WNK1: variants seen among roughly 807,000 people sequenced by gnomAD.
WNK1 encodes WNK lysine deficient protein kinase 1, also known as serine/threonine-protein kinase WNK1.
WNK1 carries 38 observed loss-of-function variants against 222.8 expected under a neutral mutation model. The ratio of observed to expected loss-of-function variants is 0.17; its 90% CI spans 0.13 to 0.22. The LOEUF (loss-of-function observed/expected upper bound fraction) is 0.22, where lower values mean the gene tolerates loss of function less well. WNK1 is among the 10% of genes least tolerant of loss of function. The pLI is 1.00. For missense variants in WNK1, 2,348 were observed against 2,918.4 expected, an observed-to-expected ratio of 0.80 and a Z score of 4.50; for synonymous variants, 1,090 against 1,092.9, an observed-to-expected ratio of 1.00 and a Z score of 0.05.
intron 1 of WNK1, among the ~76,000 whole-genome samples, chr12:760,897 C>T (rs1349103310): frequency 2.1e-5 from 3 of 146,016 alleles, no homozygotes; most frequent in African/African-American, 7.3e-5. Flanking sequence ...CCTCAGCCTC[C>T]AGAGTAGCTG....
intron 1 of WNK1, among the ~76,000 whole-genome samples, chr12:807,854 G>A (rs563625421): frequency 6.6e-6 from 1 of 151,564 alleles, no homozygotes; most frequent in African/African-American, 2.4e-5. Context: ...CGAGTAGCTG[G>A]GACTACAGGC....
intron 1 of WNK1, among the ~76,000 whole-genome samples, chr12:781,505 G>A (rs1166735087): frequency 6.6e-6 from 1 of 152,174 alleles, no homozygotes. Context: ...AGGTACAAAT[G>A]ATTATGATTT....
At chr12:847,862 A>G (rs781539226) in intron 4 of WNK1, among the ~76,000 whole-genome samples, 2 of 128,154 alleles carry the variant, frequency 1.6e-5, no homozygotes, top group African/African-American at 6.0e-5. Flanking sequence ...GCTGGAGTGC[A>G]GTGGCATGAT....
intron 1 of WNK1, among the ~76,000 whole-genome samples, chr12:805,878 T>C (rs531667714): frequency 6.6e-6 from 1 of 152,158 alleles, no homozygotes; most frequent in Non-Finnish European, 1.5e-5. Flanking sequence ...TTTTAATTAA[T>C]TGTCTAAGTT....
chr12:795,388 T>C (rs1393995776), intron 1 of WNK1, among the ~76,000 whole-genome samples: 1 of 151,756 alleles, frequency 6.6e-6, no homozygotes, highest in Non-Finnish European at 1.5e-5. Context: ...ATAATCTTCA[T>C]GTGTCAGTGG....
Position 821,088 on chromosome 12 carries a change from CAA to C in WNK1, c.933-5952_933-5951del, listed in dbSNP as rs536786794. 1.4e-4 allele frequency among the ~76,000 whole-genome samples: 13 copies of C among 93,120 alleles called. No homozygotes were observed. In the East Asian group the frequency reaches 4.5e-3, roughly 32 times the overall value. 61.1% of individuals were successfully genotyped at this position (93,120 alleles called of 152,430 possible). A position where few individuals can be genotyped will look rare whatever the true frequency, so the allele number is the denominator to read the frequency against. On this transcript the variant is annotated intron_variant, in intron 2 of 27. Coordinates refer to ENST00000315939, the MANE Select transcript of WNK1 (RefSeq NM_018979.4). ...TTTTTGGAAAGGTGTTAGATTTTGT[CAA>C]ATGCTCTTCTGCATCAAGTTAGATA...
chr12:846,013 C>A (rs1950000771), intron 4 of WNK1, among the ~76,000 whole-genome samples: 1 of 152,198 alleles, frequency 6.6e-6, no homozygotes, highest in Non-Finnish European at 1.5e-5. Flanking sequence ...TAAGGACATG[C>A]AGGAGAAATA....
chr12:860,968 T>G, intron 6 of WNK1, 45 bp from the exon 7 acceptor site: 1 of 1,595,752 alleles, frequency 6.3e-7, no homozygotes. Context: ...GGGGTGTTGT[T>G]TTCTTTCAAT....
chr12:753,992 C>A lies in WNK1; in HGVS notation c.427C>A (p.Pro143Thr). The A allele has an allele frequency of 6.3e-7, 1 of 1,591,858 alleles. No individual in the cohort carries two copies. The highest frequency in any genetic ancestry group is 1.8e-5 in the Admixed American group (1 of 56,004). ...CCAGCAGCCTCCAGCCGCTGCCGCCCCTGGGGAACAGGCCGTCGCGGGCCC... is the reference window on the plus strand; with the variant it reads ...CCAGCAGCCTCCAGCCGCTGCCGCCACTGGGGAACAGGCCGTCGCGGGCCC... ...VAQQPPAAAA[P>T]GEQAVAGPAP... is the part of the protein sequence containing the mutation. Residue 143 changes from proline (P) to threonine (T), a missense_variant, in exon 1 of 28, where the codon CCT becomes ACT. Pro to Thr is a conservative substitution (Grantham distance 38). Transcript: ENST00000315939. The surrounding 1 kb of genome is among the most constrained non-coding windows in gnomAD (Gnocchi z 5.2).
At chr12:879,471 T>TTCTTTTTGGCTTA in intron 10 of WNK1, 102 bp from the exon 11 acceptor site, 1 of 749,698 alleles carries the variant, frequency 1.3e-6, no homozygotes, top group East Asian at 3.3e-5. Flanking sequence ...TGTTTTTTCC[T>TTCTTTTTGGCTTA]TCTTTTTGGC....
rs1955878274 is a variant in WNK1 at position 908,362 on chromosome 12, A to ACAG, written c.6832-112_6832-110dup. 3 of 1,159,310 alleles carry ACAG rather than the reference A, an allele frequency of 2.6e-6. No individual in the cohort carries two copies. In the African/African-American group the frequency reaches 4.5e-5, roughly 18 times the overall value. The allele number at this position is 1,159,310 out of a possible 1,614,324, so 71.8% of individuals were successfully genotyped here. A position where few individuals can be genotyped will look rare whatever the true frequency, so the allele number is the denominator to read the frequency against. On this transcript the variant is annotated intron_variant, in intron 27 of 27. Coordinates refer to ENST00000315939, the MANE Select transcript of WNK1 (RefSeq NM_018979.4). ...TAAATATAAAGAGCCAATAAATACT[A>ACAG]CAGAAGACTGTTCTGCTGTATCTTA... is the stretch of plus-strand genomic sequence containing the variant.
intron 25 of WNK1, among the ~76,000 whole-genome samples, chr12:898,254 G>A (rs1305681808): frequency 5.3e-5 from 8 of 152,122 alleles, no homozygotes; most frequent in Admixed American, 5.2e-4. Flanking sequence ...GGAGGCTGAG[G>A]CAGGCAGATC....
rs550550619 is a variant in WNK1, at chr12:758,320, A to G, written c.759+3996A>G. Among the ~76,000 whole-genome samples, 8 of 141,490 alleles carry G rather than the reference A, an allele frequency of 5.7e-5. 1 individual carries two copies. In the East Asian group the frequency reaches 1.5e-3, roughly 26 times the overall value. The allele number at this position is 141,490 out of a possible 152,430, so 92.8% of individuals were successfully genotyped here. A position where few individuals can be genotyped will look rare whatever the true frequency, so the allele number is the denominator to read the frequency against. Reference sequence around the variant, plus strand: ...TGAATAGTATAGCAGTGTTACAGAAATGGGATGTGGTTCTGTGATTAAGAA... The same window carrying G: ...TGAATAGTATAGCAGTGTTACAGAAGTGGGATGTGGTTCTGTGATTAAGAA... On this transcript the variant is annotated intron_variant, in intron 1 of 27. Transcript: ENST00000315939.
At position 753,943 on chromosome 12, in the gene WNK1, C is replaced by T. The variant is rs1342594853; in HGVS notation, c.378C>T (p.Thr126=). The T allele has an allele frequency of 1.3e-6, 2 of 1,598,498 alleles. No homozygotes were observed. Among genetic ancestry groups the T allele is most frequent in the African/African-American group, 1.3e-5 (1 of 74,702 alleles). The change falls in exon 1 of 28, where the codon ACC becomes ACT. Residue 126 remains threonine (T), a synonymous_variant. Coordinates refer to ENST00000315939, the MANE Select transcript of WNK1 (RefSeq NM_018979.4). This position sits in a 1 kb window ranked among gnomAD's most constrained non-coding sequence, Gnocchi z 5.2. ...PPEPHREETV[T]ATATSQVAQQ... is the part of the protein sequence containing the mutation. ...AGCCCCACCGGGAAGAGACCGTGAC[C>T]GCCACCGCCACTTCCCAGGTAGCCC...
At chr12:767,497 C>T (rs184203576) in intron 1 of WNK1, among the ~76,000 whole-genome samples, 4 of 152,032 alleles carry the variant, frequency 2.6e-5, no homozygotes, top group Admixed American at 2.6e-4. Flanking sequence ...GTGATCCACC[C>T]TCCTTGGCCT....
intron 1 of WNK1, among the ~76,000 whole-genome samples, chr12:774,392 C>G (rs1942879305): frequency 6.6e-6 from 1 of 152,146 alleles, no homozygotes; most frequent in South Asian, 2.1e-4. Flanking sequence ...AGACTCCTTC[C>G]TTTGGGCCTG....
chr12:863,775 T>C (rs548491344), intron 8 of WNK1, among the ~76,000 whole-genome samples: 1 of 152,328 alleles, frequency 6.6e-6, no homozygotes, highest in South Asian at 2.1e-4. Flanking sequence ...ATTTGTCTAA[T>C]TCTATTCTTG....
chr12:754,093 G>C lies in WNK1; in HGVS notation c.528G>C (p.Glu176Asp). Reference sequence around the variant, plus strand: ...AGCCTAGCCTTGTGGGGAGCAAAGAGGAGCCGCCGCCGGCGAGAAGTGGCA... The same window carrying C: ...AGCCTAGCCTTGTGGGGAGCAAAGACGAGCCGCCGCCGGCGAGAAGTGGCA... The part of the protein sequence containing the change: ...VSQPSLVGSK[E>D]EPPPARSGSG... The change falls in exon 1 of 28, where the codon GAG (glutamate) becomes GAC (aspartate). Residue 176 changes from glutamate (E) to aspartate (D), a missense_variant. Physicochemically the swap from Glu to Asp is conservative, Grantham distance 45 (BLOSUM62 2). Transcript: ENST00000315939. 6.2e-7 allele frequency: 1 copy of C among 1,610,872 alleles called. No homozygotes were observed. Among genetic ancestry groups the C allele is most frequent in the Non-Finnish European group, 8.5e-7 (1 of 1,179,302 alleles).
Position 890,500 on chromosome 12 carries a change from G to T in WNK1, c.5496G>T (p.Gln1832His), listed in dbSNP as rs138219481. 2.5e-5 allele frequency: 41 copies of T among 1,614,132 alleles called. No individual in the cohort carries two copies. The highest frequency in any genetic ancestry group is 5.0e-5 in the Admixed American group (3 of 60,028). Reference sequence around the variant, plus strand: ...CAGCAATCACAGAAGCAGGAACACAGCCTCAGAAGGGTGGTGAGAAACATC... The same window carrying T: ...CAGCAATCACAGAAGCAGGAACACATCCTCAGAAGGGTGGTGAGAAACATC... ...APTAITEAGT[Q>H]PQKGVSQVKE... is the part of the protein sequence containing the mutation. The change falls in exon 22 of 28, where the codon CAG becomes CAT. Residue 1832 changes from glutamine (Q) to histidine (H), a missense_variant. By Grantham distance (24) the Gln-to-His change is conservative. Coordinates refer to ENST00000315939, the MANE Select transcript of WNK1 (RefSeq NM_018979.4).
Sources: allele counts gnomAD v4.1 joint callset (sites outside exome capture counted in the v4.1 genomes callset), GRCh38; gene constraint gnomAD v4.1.1; non-coding constraint Gnocchi (gnomAD v3.1); transcripts MANE v1.5; gene names NCBI Gene and HGNC (gene_info 2026-07-23, HGNC 2026-07-21).